Variants in CBLC observed in about 807,000 individuals in gnomAD.
The protein encoded by CBLC is E3 ubiquitin-protein ligase CBL-C.
Under a neutral mutation model 58.6 loss-of-function variants are expected in CBLC, and 46 were observed. That is an observed-to-expected ratio of 0.79 (90% CI 0.62 to 1.00). The LOEUF is 1.00. Ranked by LOEUF, CBLC falls within the 50% of genes least tolerant of loss-of-function variation. The pLI, the probability that CBLC is intolerant of heterozygous loss-of-function variation, is 0.00. For missense variants in CBLC, 655 were observed against 625.8 expected (o/e 1.05, Z -0.50); for synonymous variants, 271 against 264.2 (o/e 1.03, Z -0.25).
At chr19:44,785,277 G>C (rs1967869777) in intron 5 of CBLC, among the ~76,000 whole-genome samples, 1 of 151,500 alleles carries the variant, frequency 6.6e-6, no homozygotes. Context: ...CCGGTCCTAA[G>C]TTTTGGATTT....
intron 1 of CBLC, among the ~76,000 whole-genome samples, chr19:44,780,414 G>C (rs889847092): frequency 1.3e-5 from 2 of 150,536 alleles, no homozygotes; most frequent in African/African-American, 4.9e-5. Context: ...GGGATTACAG[G>C]CATGAGCCAC....
At position 44,778,262 on chromosome 19, in the gene CBLC, T is replaced by C; in HGVS notation, c.331T>C (p.Phe111Leu). ...CCGAAGGAGTGCCAACGACGAGCTC[T>C]TCCGGGCGGGCTCCAGACTCAGGTG... The part of the protein sequence containing the change: ...RGRRSANDEL[F>L]RAGSRLRRQL... The change falls in exon 1 of 11, where the codon TTC (phenylalanine) becomes CTC (leucine). Residue 111 changes from phenylalanine to leucine, a missense_variant. By Grantham distance (22) the Phe-to-Leu change is conservative. This residue lies in a region of CBLC where 280 missense variants were observed against 237.2 expected (regional missense o/e 1.18). Transcript: ENST00000647358. 6.9e-7 allele frequency: 1 copy of C among 1,443,466 alleles called. No homozygotes were observed. Among genetic ancestry groups the C allele is most frequent in the Non-Finnish European group, 9.1e-7 (1 of 1,100,044 alleles). 89.4% of individuals were successfully genotyped at this position (1,443,466 alleles called of 1,614,324 possible). A position where few individuals can be genotyped will look rare whatever the true frequency, so the allele number is the denominator to read the frequency against.
intron 9 of CBLC, among the ~76,000 whole-genome samples, chr19:44,799,781 GAA>G (rs1350188920): frequency 6.8e-6 from 1 of 147,918 alleles, no homozygotes; most frequent in Non-Finnish European, 1.5e-5. Context: ...GGGAGGGAGG[GAA>G]AGAGAAAAAA....
At chr19:44,794,047 G>A (rs1968125509) in intron 8 of CBLC, 157 bp from the exon 9 acceptor site, 1 of 872,334 alleles carries the variant, frequency 1.1e-6, no homozygotes, top group South Asian at 5.3e-5. Flanking sequence ...GGCTTTCCCT[G>A]GCTGTAACCC....
chr19:44,785,446 A>C (rs1967874466), intron 5 of CBLC, among the ~76,000 whole-genome samples: 1 of 151,742 alleles, frequency 6.6e-6, no homozygotes, highest in Non-Finnish European at 1.5e-5. Flanking sequence ...CTTTAGCCAG[A>C]ATTTTCTTAT....
chr19:44,793,550 A>G lies in CBLC; in HGVS notation c.1214A>G (p.His405Arg). The change falls in exon 8 of 11, where the codon CAC becomes CGC. Residue 405 changes from histidine (H) to arginine (R), a missense_variant. This residue lies in a region of CBLC where 371 missense variants were observed against 370.8 expected (regional missense o/e 1.00). Transcript: ENST00000647358. ...GAGGCCGTGAGTATCTACCAGTTCCACGGTCAGGCTACTGCTGAGGACTCA... is the reference window on the plus strand; with the variant it reads ...GAGGCCGTGAGTATCTACCAGTTCCGCGGTCAGGCTACTGCTGAGGACTCA... ...GWEAVSIYQF[H>R]GQATAEDSGN... is the part of the protein sequence containing the mutation. The G allele has an allele frequency of 6.2e-7, 1 of 1,612,000 alleles. No homozygotes were observed.
Position 44,799,855 on chromosome 19 carries a change from AAAAG to A in CBLC, c.1363-523_1363-520del, listed in dbSNP as rs1341319694. Among the ~76,000 whole-genome samples the A allele has an allele frequency of 4.0e-5, 6 of 151,662 alleles. No individual in the cohort carries two copies. The East Asian group carries it at 5.8e-4, about 15-fold the overall frequency. On this transcript the variant is annotated intron_variant, in intron 9 of 10. Transcript: ENST00000647358. The stretch of plus-strand genomic sequence containing the variant: ...AGAAAGAAAGAAAAGAAAAGAAAGA[AAAAG>A]AAGAAAAAAGAAAGAGAAAAGGAAA...
chr19:44,784,383 A>G lies in CBLC; in HGVS notation c.899A>G (p.Glu300Gly). Residue 300 changes from glutamate to glycine, a missense_variant, in exon 5 of 11, where the codon GAG becomes GGG. Glu to Gly is a moderately conservative substitution (Grantham distance 98). Around this residue, in one of 3 missense-constraint regions of CBLC, gnomAD observed 371 missense variants for 370.8 expected, o/e 1.00. Transcript: ENST00000647358. The stretch of plus-strand genomic sequence containing the variant: ...AAACCCCTGTCCCAGGTGCTCCTGG[A>G]GGGACAGAAGGACGGCTTGTGAGTC... Reference protein sequence around the residue: ...ANKPLSQVLLEGQKDGFYLYP... With the variant: ...ANKPLSQVLLGGQKDGFYLYP... The G allele has an allele frequency of 6.3e-7, 1 of 1,586,908 alleles. No homozygotes were observed. The highest frequency in any genetic ancestry group is 8.6e-7 in the Non-Finnish European group (1 of 1,158,560).
chr19:44,794,015 C>T, intron 8 of CBLC, 189 bp from the exon 9 acceptor site: 4 of 568,420 alleles, frequency 7.0e-6, no homozygotes, highest in Non-Finnish European at 8.9e-6. Context: ...TGGTCTTTTG[C>T]TTCCCCAAGG....
At chr19:44,786,228 C>T (rs1469265537) in intron 5 of CBLC, among the ~76,000 whole-genome samples, 3 of 151,934 alleles carry the variant, frequency 2.0e-5, no homozygotes, top group South Asian at 2.1e-4. Context: ...CCACCACGCC[C>T]GGCTGGGTCA....
At chr19:44,793,908 G>A (rs1257744493) in intron 8 of CBLC, among the ~76,000 whole-genome samples, 2 of 152,006 alleles carry the variant, frequency 1.3e-5, no homozygotes, top group East Asian at 1.9e-4. Context: ...ATGGGGGCCC[G>A]GACTCCTGGG....
chr19:44,788,907 G>A (rs1030017279), intron 5 of CBLC, among the ~76,000 whole-genome samples: 1 of 152,250 alleles, frequency 6.6e-6, no homozygotes, highest in African/African-American at 2.4e-5. Context: ...GCCCCAGCCA[G>A]GTCACACAGT....
chr19:44,793,161 C>A (rs1049383289), intron 7 of CBLC, among the ~76,000 whole-genome samples: 2 of 151,950 alleles, frequency 1.3e-5, no homozygotes, highest in African/African-American at 2.4e-5. Flanking sequence ...TTTTAAAAAA[C>A]AACAACAGCA....
intron 8 of CBLC, 37 bp downstream of exon 8, chr19:44,793,657 C>T (rs375842565): frequency 6.1e-5 from 95 of 1,559,862 alleles, no homozygotes; most frequent in Non-Finnish European, 1.6e-5. Context: ...ATCCAAATTC[C>T]TGAGGCCTGA....
In CBLC at chr19:44,794,240, G is replaced by T. The variant is rs1242181381; in HGVS notation, c.1321G>T (p.Asp441Tyr). The T allele has an allele frequency of 6.8e-6, 11 of 1,613,274 alleles. No homozygotes were observed. The highest frequency in any genetic ancestry group is 8.5e-6 in the Non-Finnish European group (10 of 1,179,696). ...GGCTCCTCCATTGCCCCCACGGCCA[G>T]ATCTGCCCCCCAGGAAGCCCAGAAA... ...LSAPPLPPRP[D>Y]LPPRKPRNAQ... The change falls in exon 9 of 11, where the codon GAT becomes TAT. Residue 441 changes from aspartate to tyrosine, a missense_variant. Physicochemically the swap from Asp to Tyr is radical, Grantham distance 160 (BLOSUM62 -3). Coordinates refer to ENST00000647358, the MANE Select transcript of CBLC (RefSeq NM_012116.4).
chr19:44,786,065 G>T (rs1967897536), intron 5 of CBLC, among the ~76,000 whole-genome samples: 1 of 152,004 alleles, frequency 6.6e-6, no homozygotes, highest in Admixed American at 6.6e-5. Flanking sequence ...CTCCCACAGT[G>T]CTCAGATTAC....
intron 5 of CBLC, 138 bp downstream of exon 5, chr19:44,784,539 C>A (rs1261963584): frequency 3.6e-6 from 3 of 830,702 alleles, no homozygotes; most frequent in Non-Finnish European, 1.7e-6. Flanking sequence ...TGCAGTACTA[C>A]AAAATTCCAG....
rs563733027 is a variant in CBLC at position 44,778,255 on chromosome 19, C to G, written c.324C>G (p.Asp108Glu). The G allele has an allele frequency of 2.3e-5, 34 of 1,447,446 alleles. 1 individual carries two copies. The Admixed American group carries it at 3.9e-4, about 17-fold the overall frequency. 89.7% of individuals were successfully genotyped at this position (1,447,446 alleles called of 1,614,324 possible). A position where few individuals can be genotyped will look rare whatever the true frequency, so the allele number is the denominator to read the frequency against. Residue 108 changes from aspartate to glutamate, a missense_variant, in exon 1 of 11, where the codon GAC becomes GAG. Physicochemically the swap from Asp to Glu is conservative, Grantham distance 45. Around this residue, in one of 3 missense-constraint regions of CBLC, gnomAD observed 280 missense variants for 237.2 expected, o/e 1.18. Transcript: ENST00000647358. ...LPPRGRRSAN[D>E]ELFRAGSRLR... ...CCCGGGGCCGAAGGAGTGCCAACGA[C>G]GAGCTCTTCCGGGCGGGCTCCAGAC... is the stretch of plus-strand genomic sequence containing the variant.
rs762748099 is a variant in CBLC, at chr19:44,781,027, T to G, written c.476T>G (p.Phe159Cys). 6.2e-7 allele frequency: 1 copy of G among 1,613,078 alleles called. No homozygotes were observed. The change falls in exon 2 of 11, where the codon TTC becomes TGC. Residue 159 changes from phenylalanine to cysteine, a missense_variant. By Grantham distance (205) the Phe-to-Cys change is radical. Around this residue, in one of 3 missense-constraint regions of CBLC, gnomAD observed 280 missense variants for 237.2 expected, o/e 1.18. Transcript: ENST00000647358. ...YQLTKAPAHTFWRESCGARCV... is the reference protein window; with the variant it reads ...YQLTKAPAHTCWRESCGARCV... ...CTCACCAAGGCCCCCGCCCACACCT[T>G]CTGGAGGGAAAGTTGCGGAGCCCGG...
Sources: gnomAD v4.1 joint callset for allele counts (sites outside exome capture counted in the v4.1 genomes callset) on GRCh38, gnomAD v4.1.1 for gene constraint, gnomAD v4.1.1 regional missense constraint, MANE v1.5 for transcripts, NCBI Gene and HGNC (gene_info 2026-07-23, HGNC 2026-07-21) for gene names.